C2CD5: variants seen among roughly 807,000 people sequenced by gnomAD.
C2CD5 encodes C2 domain-containing protein 5.
In C2CD5, 109 loss-of-function variants were observed where a neutral mutation model predicts 130.3. The ratio of observed to expected loss-of-function variants is 0.84; its 90% CI spans 0.72 to 0.98. The LOEUF (loss-of-function observed/expected upper bound fraction) is 0.98. C2CD5 is among the 50% of genes least tolerant of loss of function. The probability of loss-of-function intolerance (pLI) is 0.00; values close to 1 mark genes in which losing one functional copy is unlikely to be tolerated. For synonymous variants in C2CD5, 454 were observed against 429.2 expected, an observed-to-expected ratio of 1.06 and a Z score of -0.71; for missense variants, 996 against 1,261.8, an observed-to-expected ratio of 0.79 and a Z score of 3.19.
Position 22,544,383 on chromosome 12 carries a change from G to C in C2CD5, c.-93C>G, listed in dbSNP as rs1462044067. The C allele has an allele frequency of 4.7e-6, 2 of 429,218 alleles. No individual in the cohort carries two copies. Among genetic ancestry groups the C allele is most frequent in the African/African-American group, 4.2e-5 (2 of 47,094 alleles). The allele number at this position is 429,218 out of a possible 1,614,324, so 26.6% of individuals were successfully genotyped here. A position where few individuals can be genotyped will look rare whatever the true frequency, so the allele number is the denominator to read the frequency against. On this transcript the variant is annotated 5_prime_UTR_variant, in exon 1 of 27. Transcript: ENST00000446597. ...AGACCTCATTCCGGAGAGGCGGCGG[G>C]AGGAAGGGCTTTGATGGGTTCTTCC...
At position 22,472,315 on chromosome 12, in the gene C2CD5, C is replaced by T. The variant is rs1353203076; in HGVS notation, c.2140G>A (p.Gly714Ser). ...FYSCNTEIMP[G>S]INNWTSEIQM... Reference sequence around the variant, plus strand: ...ATTTCAGAGGTCCAATTATTTATACCGGGCATAATTTCTGTATTACAACTA... The same window carrying T: ...ATTTCAGAGGTCCAATTATTTATACTGGGCATAATTTCTGTATTACAACTA... The change falls in exon 18 of 27, where the codon GGT becomes AGT. Residue 714 changes from glycine to serine, a missense_variant. Physicochemically the swap from Gly to Ser is moderately conservative, Grantham distance 56. Coordinates refer to ENST00000446597, the MANE Select transcript of C2CD5 (RefSeq NM_001286176.2). 7.3e-6 allele frequency: 11 copies of T among 1,512,292 alleles called. No individual in the cohort carries two copies. The highest frequency in any genetic ancestry group is 3.8e-5 in the Admixed American group (2 of 52,976). The allele number at this position is 1,512,292 out of a possible 1,614,324, so 93.7% of individuals were successfully genotyped here.
intron 2 of C2CD5, among the ~76,000 whole-genome samples, chr12:22,543,267 T>G (rs1952580139): frequency 6.6e-6 from 1 of 152,256 alleles, no homozygotes; most frequent in African/African-American, 2.4e-5. Flanking sequence ...CTCTGGGTTA[T>G]TACCTTCCGG....
chr12:22,472,236 C>A, intron 18 of C2CD5, 50 bp downstream of exon 18: 2 of 1,105,040 alleles, frequency 1.8e-6, no homozygotes, highest in East Asian at 2.5e-5. Flanking sequence ...ATGGAACTTA[C>A]TAAAATAACT....
intron 8 of C2CD5, chr12:22,515,158 G>A: frequency 1.0e-6 from 1 of 982,854 alleles, no homozygotes; most frequent in Non-Finnish European, 1.2e-6. Context: ...GTGCTGTGGA[G>A]GAAAGTAGCA....
intron 3 of C2CD5, among the ~76,000 whole-genome samples, chr12:22,532,561 T>C (rs1346062459): frequency 6.6e-6 from 1 of 152,162 alleles, no homozygotes; most frequent in Admixed American, 6.6e-5. Context: ...GCTTTTCCAA[T>C]AGAGGGCAGC....
rs779699061 is a variant in C2CD5 at position 22,457,085 on chromosome 12, G to A, written c.2763C>T (p.Ser921=). Residue 921 remains serine (S), a synonymous_variant, in exon 25 of 27, where the codon TCC becomes TCT. Coordinates refer to ENST00000446597, the MANE Select transcript of C2CD5 (RefSeq NM_001286176.2). ...RNRSAPPCAN[S]TVGVVKMTPL... is the part of the protein sequence containing the mutation. Reference sequence around the variant, plus strand: ...GTGTCATCTTAACAACCCCAACTGTGGAATTTGCACAAGGTGGAGCAGAAC... The same window carrying A: ...GTGTCATCTTAACAACCCCAACTGTAGAATTTGCACAAGGTGGAGCAGAAC... 6.2e-7 allele frequency: 1 copy of A among 1,612,966 alleles called. No homozygotes were observed. The highest frequency in any genetic ancestry group is 8.5e-7 in the Non-Finnish European group (1 of 1,179,350).
chr12:22,483,789 C>G (rs1945068930), intron 13 of C2CD5, among the ~76,000 whole-genome samples: 1 of 152,034 alleles, frequency 6.6e-6, no homozygotes, highest in South Asian at 2.1e-4. Context: ...GCATGAAGAA[C>G]TGGATAGAGA....
chr12:22,471,880 A>T, intron 19 of C2CD5, 87 bp downstream of exon 19: 1 of 770,878 alleles, frequency 1.3e-6, no homozygotes, highest in Non-Finnish European at 2.3e-6. Flanking sequence ...CAACTGTGTA[A>T]GGTATTACAG....
In C2CD5 at chr12:22,488,285, A is replaced by T. The variant is rs1945840430; in HGVS notation, c.1358+1838T>A. ...AGCATGAAAAATGACAGCTGACTTC[A>T]AGGCAAGACGTAGGAAATCTTACAA... On this transcript the variant is annotated intron_variant, in intron 12 of 26. Transcript: ENST00000446597. Among the ~76,000 whole-genome samples the T allele has an allele frequency of 2.0e-5, 3 of 152,222 alleles. 1 individual carries two copies. The South Asian group carries it at 6.2e-4, about 31-fold the overall frequency.
intron 6 of C2CD5, among the ~76,000 whole-genome samples, chr12:22,523,967 G>A (rs1278655366): frequency 3.9e-5 from 6 of 151,964 alleles, no homozygotes; most frequent in African/African-American, 1.4e-4. Flanking sequence ...TAATATAAAT[G>A]TAAATTTTAA....
At chr12:22,489,349 C>T (rs916971677) in intron 12 of C2CD5, among the ~76,000 whole-genome samples, 3 of 151,626 alleles carry the variant, frequency 2.0e-5, no homozygotes, top group Admixed American at 6.6e-5. Flanking sequence ...TACAGTCACC[C>T]TTCCGTATCC....
chr12:22,539,958 C>A (rs1952191464), intron 2 of C2CD5, among the ~76,000 whole-genome samples: 1 of 148,172 alleles, frequency 6.7e-6, no homozygotes, highest in African/African-American at 2.5e-5. Flanking sequence ...CGCCATTGCA[C>A]TCCAACCTGG....
chr12:22,505,804 G>T (rs193123471), intron 10 of C2CD5, among the ~76,000 whole-genome samples: 6 of 152,072 alleles, frequency 3.9e-5, no homozygotes, highest in Non-Finnish European at 4.4e-5. Context: ...ATTCTTACTC[G>T]TTTGCTTAAA....
chr12:22,525,290 A>G lies in C2CD5; in HGVS notation c.445+320T>C, dbSNP rs111279573. Among the ~76,000 whole-genome samples the G allele has an allele frequency of 4.7e-3, 712 of 152,284 alleles. 11 individuals carry two copies. Among genetic ancestry groups the G allele is most frequent in the African/African-American group, 0.016 (684 of 41,556 alleles). ...TATTTCATGGAGTTCCCTAGACCCAATACCCATAAAAGCCTGTGTATTTTG... is the reference window on the plus strand; with the variant it reads ...TATTTCATGGAGTTCCCTAGACCCAGTACCCATAAAAGCCTGTGTATTTTG... On this transcript the variant is annotated intron_variant, in intron 5 of 26. Coordinates refer to ENST00000446597, the MANE Select transcript of C2CD5 (RefSeq NM_001286176.2).
rs182979496 is a variant in C2CD5 at position 22,460,312 on chromosome 12, G to T, written c.2534-770C>A. Among the ~76,000 whole-genome samples, 176 of 152,210 alleles carry T rather than the reference G, an allele frequency of 1.2e-3. 1 individual carries two copies. The highest frequency in any genetic ancestry group is 4.1e-3 in the African/African-American group (169 of 41,554). Reference sequence around the variant, plus strand: ...AGAATATTTAAATTTTTGTTTGAAAGAATTTTACAACTAAAAGAATAGTCC... The same window carrying T: ...AGAATATTTAAATTTTTGTTTGAAATAATTTTACAACTAAAAGAATAGTCC... On this transcript the variant is annotated intron_variant, in intron 22 of 26. Coordinates refer to ENST00000446597, the MANE Select transcript of C2CD5 (RefSeq NM_001286176.2).
rs1194597252 is a variant in C2CD5 at position 22,513,236 on chromosome 12, A to G, written c.1038+58T>C. ...TGAAAACATGCAAGTACATGGAAGC[A>G]TAAGATAACAAAGTCATATTAACAG... On this transcript the variant is annotated intron_variant, in intron 9 of 26. Coordinates refer to ENST00000446597, the MANE Select transcript of C2CD5 (RefSeq NM_001286176.2). 5.1e-6 allele frequency: 6 copies of G among 1,182,362 alleles called. No individual in the cohort carries two copies. In the South Asian group the frequency reaches 6.3e-5, roughly 12 times the overall value. 73.2% of individuals were successfully genotyped at this position (1,182,362 alleles called of 1,614,324 possible). A position where few individuals can be genotyped will look rare whatever the true frequency, so the allele number is the denominator to read the frequency against.
At chr12:22,543,800 T>G (rs1432983552) in intron 2 of C2CD5, among the ~76,000 whole-genome samples, 2 of 151,924 alleles carry the variant, frequency 1.3e-5, no homozygotes, top group African/African-American at 4.8e-5. Context: ...TGTTAATGAG[T>G]CCTGACATCA....
At chr12:22,462,604 C>T (rs1479878990) in intron 22 of C2CD5, among the ~76,000 whole-genome samples, 4 of 152,086 alleles carry the variant, frequency 2.6e-5, no homozygotes, top group African/African-American at 4.8e-5. Context: ...AGCATATTAA[C>T]GACAAAAAGG....
chr12:22,524,068 T>G (rs1374057697), intron 6 of C2CD5, among the ~76,000 whole-genome samples: 2 of 152,082 alleles, frequency 1.3e-5, no homozygotes, highest in Non-Finnish European at 2.9e-5. Context: ...TAGAGGGAAC[T>G]ACAGTACCTA....
Sources: allele counts gnomAD v4.1 joint callset (sites outside exome capture counted in the v4.1 genomes callset), GRCh38; gene constraint gnomAD v4.1.1; transcripts MANE v1.5; gene names NCBI Gene and HGNC (gene_info 2026-07-23, HGNC 2026-07-21).